Variants in LRFN5 observed in about 807,000 individuals in gnomAD.
LRFN5 encodes leucine-rich repeat and fibronectin type-III domain-containing protein 5.
In LRFN5, 24 loss-of-function variants were observed where a neutral mutation model predicts 45.6. The ratio of observed to expected loss-of-function variants is 0.53; its 90% CI spans 0.38 to 0.74. The LOEUF is 0.74. Among genes scored for constraint, LRFN5 ranks in the 30% least tolerant of loss-of-function variants. LRFN5 has a pLI of 0.00. For missense variants in LRFN5, 776 were observed against 861.5 expected, an observed-to-expected ratio of 0.90 and a Z score of 1.24; for synonymous variants, 340 against 313.8, an observed-to-expected ratio of 1.08 and a Z score of -0.88.
chr14:41,780,961 C>A (rs78913781), intron 2 of LRFN5, among the ~76,000 whole-genome samples: 384 of 152,184 alleles, frequency 2.5e-3, no homozygotes, highest in African/African-American at 8.4e-3. Flanking sequence ...TTGCCAATTT[C>A]TTTTCCCATC....
intron 1 of LRFN5, among the ~76,000 whole-genome samples, chr14:41,704,436 C>CTGTGTGTGTGTGTGTGTGTGTGTGTGTG (rs1430752309): frequency 1.1e-5 from 1 of 89,490 alleles, no homozygotes; most frequent in African/African-American, 5.4e-5. Flanking sequence ...CTCTCTCTCT[C>CTGTGTGTGTGTGTGTGTGTGTGTGTGTG]TCTCTCTCTC....
At chr14:41,818,295 TC>T (rs1887989840) in intron 2 of LRFN5, among the ~76,000 whole-genome samples, 1 of 152,008 alleles carries the variant, frequency 6.6e-6, no homozygotes, top group Non-Finnish European at 1.5e-5. Context: ...TACTATTTTT[TC>T]CAGTTTGCTT....
At chr14:41,893,266 G>T (rs557203741) in intron 4 of LRFN5, 15 of 951,574 alleles carry the variant, frequency 1.6e-5, no homozygotes, top group African/African-American at 1.8e-5. Context: ...GGAATTATTA[G>T]AAATTTACTG....
intron 2 of LRFN5, among the ~76,000 whole-genome samples, chr14:41,832,489 G>A (rs776051846): frequency 5.9e-5 from 9 of 151,948 alleles, no homozygotes; most frequent in Admixed American, 2.6e-4. Flanking sequence ...TCCTCCCTTC[G>A]GAACTAAGAT....
chr14:41,880,163 G>A (rs540179049), intron 2 of LRFN5, among the ~76,000 whole-genome samples: 66 of 151,504 alleles, frequency 4.4e-4, no homozygotes, highest in African/African-American at 1.6e-3. Context: ...TCCTGACCTC[G>A]TGATCTGCCC....
At chr14:41,841,729 T>G (rs1210257832) in intron 2 of LRFN5, among the ~76,000 whole-genome samples, 1 of 151,886 alleles carries the variant, frequency 6.6e-6, no homozygotes, top group Non-Finnish European at 1.5e-5. Flanking sequence ...ATACTAAGTG[T>G]AGACTTTCTG....
chr14:41,838,383 C>T (rs1888738633), intron 2 of LRFN5, among the ~76,000 whole-genome samples: 1 of 152,148 alleles, frequency 6.6e-6, no homozygotes, highest in Non-Finnish European at 1.5e-5. Flanking sequence ...ATAAGAGCTG[C>T]AATCCTGGAA....
At chr14:41,849,232 A>G (rs1889179037) in intron 2 of LRFN5, among the ~76,000 whole-genome samples, 1 of 151,964 alleles carries the variant, frequency 6.6e-6, no homozygotes, top group Non-Finnish European at 1.5e-5. Context: ...CAATGCTATT[A>G]TTCCCCAAAA....
chr14:41,792,055 A>T (rs1886941080), intron 2 of LRFN5, among the ~76,000 whole-genome samples: 1 of 152,060 alleles, frequency 6.6e-6, no homozygotes, highest in Admixed American at 6.6e-5. Flanking sequence ...CTTCTAAGAA[A>T]TAAAGAGAAA....
chr14:41,853,109 G>A (rs996095163), intron 2 of LRFN5, among the ~76,000 whole-genome samples: 7 of 152,030 alleles, frequency 4.6e-5, no homozygotes, highest in Middle Eastern at 3.4e-3. Context: ...TTATCACAGC[G>A]TTCTTGAATT....
chr14:41,825,034 C>G (rs2139021176), intron 2 of LRFN5, among the ~76,000 whole-genome samples: 3 of 152,328 alleles, frequency 2.0e-5, no homozygotes, highest in Admixed American at 2.0e-4. Flanking sequence ...TTAGCCACAG[C>G]TATCTGCTGC....
At chr14:41,618,987 C>T (rs1594553914) in intron 1 of LRFN5, among the ~76,000 whole-genome samples, 1 of 151,946 alleles carries the variant, frequency 6.6e-6, no homozygotes, top group South Asian at 2.1e-4. Flanking sequence ...TAATTTATAA[C>T]GTAGTGACTT....
At chr14:41,648,388 C>T (rs1051221110) in intron 1 of LRFN5, among the ~76,000 whole-genome samples, 1 of 151,808 alleles carries the variant, frequency 6.6e-6, no homozygotes, top group African/African-American at 2.4e-5. Context: ...GATAATATAA[C>T]CATATAGAAT....
At chr14:41,701,653 A>C (rs1469952470) in intron 1 of LRFN5, 2 of 152,164 alleles carry the variant, frequency 1.3e-5, no homozygotes, top group Non-Finnish European at 2.9e-5. Context: ...TGCTTCAATA[A>C]ATGCTGTAAT....
intron 1 of LRFN5, among the ~76,000 whole-genome samples, chr14:41,638,281 A>T (rs1879397776): frequency 1.3e-5 from 2 of 152,010 alleles, no homozygotes; most frequent in Admixed American, 6.6e-5. Context: ...AATTAAAATG[A>T]TAGAGGGTTA....
intron 1 of LRFN5, among the ~76,000 whole-genome samples, chr14:41,690,543 A>C (rs1438965413): frequency 6.6e-6 from 1 of 152,172 alleles, no homozygotes; most frequent in Non-Finnish European, 1.5e-5. Context: ...TGACAAAGCA[A>C]CACTCTGTCT....
chr14:41,782,043 G>A (rs1387758914), intron 2 of LRFN5, among the ~76,000 whole-genome samples: 2 of 151,810 alleles, frequency 1.3e-5, no homozygotes, highest in Non-Finnish European at 2.9e-5. Context: ...GAGCTTCCTG[G>A]ATCTGTAGTT....
intron 2 of LRFN5, among the ~76,000 whole-genome samples, chr14:41,818,613 C>T (rs1228674002): frequency 6.6e-6 from 1 of 152,004 alleles, no homozygotes; most frequent in Admixed American, 6.6e-5. Flanking sequence ...TGGCTATATT[C>T]TTGTGATCTT....
chr14:41,777,107 T>A (rs1886320143), intron 2 of LRFN5, among the ~76,000 whole-genome samples: 1 of 151,922 alleles, frequency 6.6e-6, no homozygotes, highest in South Asian at 2.1e-4. Context: ...CTATTTGTAA[T>A]ATGTCTCAAT....
Sources: gnomAD v4.1 joint callset for allele counts (sites outside exome capture counted in the v4.1 genomes callset) on GRCh38, gnomAD v4.1.1 for gene constraint, MANE v1.5 for transcripts, NCBI Gene and HGNC (gene_info 2026-07-23, HGNC 2026-07-21) for gene names.